Variants in NTM observed in about 807,000 individuals in gnomAD.
NTM encodes the protein IgLON family member 2.
NTM carries 13 observed loss-of-function variants against 42.1 expected under a neutral mutation model. The observed-to-expected ratio is 0.31, with a 90% CI of 0.20 to 0.49. The LOEUF (loss-of-function observed/expected upper bound fraction) is 0.49. Ranked by LOEUF, NTM falls within the 20% of genes least tolerant of loss-of-function variation. NTM has a pLI of 0.99. For synonymous variants in NTM, 187 were observed against 179.2 expected (o/e 1.04, Z -0.35); for missense variants, 373 against 452.8 (o/e 0.82, Z 1.60).
chr11:131,413,730 C>T (rs963709630), intron 1 of NTM, among the ~76,000 whole-genome samples: 28 of 152,170 alleles, frequency 1.8e-4, no homozygotes, highest in Admixed American at 1.8e-3. Flanking sequence ...TTTGAAGGTG[C>T]AAGTGAGACA....
At chr11:131,768,132 T>C (rs1321679308) in intron 1 of NTM, among the ~76,000 whole-genome samples, 2 of 151,192 alleles carry the variant, frequency 1.3e-5, no homozygotes, top group Non-Finnish European at 3.0e-5. Flanking sequence ...TTTTTTTTTT[T>C]TTTTTTTGAG....
intron 1 of NTM, among the ~76,000 whole-genome samples, chr11:131,558,965 A>T (rs1268697799): frequency 6.6e-6 from 1 of 152,196 alleles, no homozygotes; most frequent in Non-Finnish European, 1.5e-5. Context: ...AAATTCAGCA[A>T]AACTTAATAA....
chr11:131,604,207 T>C (rs1274052463), intron 1 of NTM, among the ~76,000 whole-genome samples: 1 of 152,202 alleles, frequency 6.6e-6, no homozygotes, highest in Non-Finnish European at 1.5e-5. Context: ...TGTCTTTTTT[T>C]ACTATAACCT....
chr11:132,317,559 C>A, intron 7 of NTM: 3 of 581,112 alleles, frequency 5.2e-6, no homozygotes, highest in Non-Finnish European at 8.2e-6. Flanking sequence ...CTGTGAAAGG[C>A]AGTATACAAA....
intron 1 of NTM, among the ~76,000 whole-genome samples, chr11:131,417,294 C>G (rs996120104): frequency 1.3e-5 from 2 of 152,184 alleles, no homozygotes; most frequent in Non-Finnish European, 2.9e-5. Context: ...AGGGCTAACT[C>G]TAATAAAATA....
chr11:132,182,638 T>C (rs2077743462), intron 3 of NTM, among the ~76,000 whole-genome samples: 1 of 152,178 alleles, frequency 6.6e-6, no homozygotes, highest in Admixed American at 6.5e-5. Context: ...GCAGTAGTAA[T>C]CTGGTAGCTA....
chr11:131,935,942 C>G (rs1253618735), intron 2 of NTM, among the ~76,000 whole-genome samples: 3 of 152,000 alleles, frequency 2.0e-5, no homozygotes, highest in Non-Finnish European at 2.9e-5. Context: ...CATTAAAGTA[C>G]CAGCATTGTA....
At chr11:131,538,623 T>C (rs371425) in intron 1 of NTM, 6 of 152,050 alleles carry the variant, frequency 3.9e-5, no homozygotes, top group African/African-American at 1.5e-4. Flanking sequence ...GGCTGTTGGT[T>C]CTCTCTGGAC....
chr11:131,741,805 C>T (rs1370732076), intron 1 of NTM, among the ~76,000 whole-genome samples: 3 of 152,116 alleles, frequency 2.0e-5, no homozygotes, highest in African/African-American at 4.8e-5. Context: ...AGAGGACTGT[C>T]GAAGACACGG....
chr11:131,433,415 A>C (rs908047894), intron 1 of NTM, among the ~76,000 whole-genome samples: 2 of 152,134 alleles, frequency 1.3e-5, no homozygotes, highest in African/African-American at 2.4e-5. Flanking sequence ...TCCCATCACC[A>C]CTAACCAGGC....
intron 1 of NTM, among the ~76,000 whole-genome samples, chr11:131,421,327 ATCTAAGAAGATTTC>A (rs1245086623): frequency 6.6e-6 from 1 of 152,196 alleles, no homozygotes; most frequent in African/African-American, 2.4e-5. Flanking sequence ...GGACAGAGGC[ATCTAAGAAGATTTC>A]CAATCCCGCC....
chr11:132,232,073 A>G (rs915244473), intron 4 of NTM, among the ~76,000 whole-genome samples: 4 of 152,178 alleles, frequency 2.6e-5, no homozygotes. Flanking sequence ...ACAAAAGGGA[A>G]TTAAAAACTT....
intron 1 of NTM, among the ~76,000 whole-genome samples, chr11:131,837,589 CCTT>C (rs1254586243): frequency 2.6e-5 from 4 of 152,162 alleles, no homozygotes; most frequent in Admixed American, 1.3e-4. Context: ...TAATAATACT[CCTT>C]CTGCTACATT....
At chr11:131,467,986 G>A (rs567498028) in intron 1 of NTM, among the ~76,000 whole-genome samples, 7 of 152,300 alleles carry the variant, frequency 4.6e-5, no homozygotes, top group African/African-American at 1.2e-4. Flanking sequence ...GTGGGCATCC[G>A]AAACGTTCCA....
At chr11:131,640,408 C>T (rs1243845668) in intron 1 of NTM, among the ~76,000 whole-genome samples, 1 of 152,140 alleles carries the variant, frequency 6.6e-6, no homozygotes. Context: ...GAAAGTAAAG[C>T]CCAGGGAGGA....
At chr11:131,604,881 GT>G (rs142736171) in intron 1 of NTM, among the ~76,000 whole-genome samples, 80 of 125,674 alleles carry the variant, frequency 6.4e-4, no homozygotes, top group Admixed American at 1.1e-3. Flanking sequence ...ATATGTGAGG[GT>G]TTTTTTTTCT....
intron 1 of NTM, among the ~76,000 whole-genome samples, chr11:131,747,176 C>G (rs2081930907): frequency 6.6e-6 from 1 of 152,172 alleles, no homozygotes; most frequent in Admixed American, 6.5e-5. Context: ...GTGCTTCTCA[C>G]TACTACAATC....
chr11:132,252,487 G>T (rs1162723970), intron 4 of NTM, among the ~76,000 whole-genome samples: 4 of 152,208 alleles, frequency 2.6e-5, no homozygotes, highest in Admixed American at 1.3e-4. Flanking sequence ...GGGGCATATG[G>T]CAGCAGGAAA....
chr11:131,978,974 G>A, intron 2 of NTM, among the ~76,000 whole-genome samples: 1 of 152,076 alleles, frequency 6.6e-6, no homozygotes, highest in East Asian at 1.9e-4. Context: ...CTGGGTTCCA[G>A]TCTAACTCCC....
Sources: gnomAD v4.1 joint callset for allele counts (sites outside exome capture counted in the v4.1 genomes callset) on GRCh38, gnomAD v4.1.1 for gene constraint, MANE v1.5 for transcripts, NCBI Gene and HGNC (gene_info 2026-07-23, HGNC 2026-07-21) for gene names.